AK8: variants seen among roughly 807,000 people sequenced by gnomAD.
AK8 encodes the protein adenylate kinase 8.
In AK8, 44 loss-of-function variants were observed where a neutral mutation model predicts 54.6. The ratio of observed to expected loss-of-function variants is 0.81; its 90% CI spans 0.63 to 1.04. The LOEUF (loss-of-function observed/expected upper bound fraction) is 1.04, where lower values mean the gene tolerates loss of function less well. Among genes scored for constraint, AK8 ranks in the 50% least tolerant of loss-of-function variants. The pLI is 0.00. For missense variants in AK8, 555 were observed against 613.6 expected (o/e 0.90, Z 1.01); for synonymous variants, 239 against 245.6 (o/e 0.97, Z 0.25).
At chr9:132,744,475 C>T (rs1837545258) in intron 11 of AK8, among the ~76,000 whole-genome samples, 1 of 151,554 alleles carries the variant, frequency 6.6e-6, no homozygotes, top group African/African-American at 2.4e-5. Flanking sequence ...AGGAGGTCAT[C>T]CTCGGTCAGA....
At chr9:132,775,457 C>G (rs950850511) in intron 11 of AK8, among the ~76,000 whole-genome samples, 7 of 152,218 alleles carry the variant, frequency 4.6e-5, no homozygotes, top group African/African-American at 1.7e-4. Flanking sequence ...CGTGCACCAC[C>G]ATGCCCGGCT....
At chr9:132,836,823 C>T (rs1842343542) in intron 5 of AK8, among the ~76,000 whole-genome samples, 1 of 152,244 alleles carries the variant, frequency 6.6e-6, no homozygotes, top group Non-Finnish European at 1.5e-5. Context: ...TCTGGAAGCC[C>T]ATGTGACTGT....
chr9:132,784,539 G>A (rs1027693365), intron 11 of AK8, among the ~76,000 whole-genome samples: 1 of 151,462 alleles, frequency 6.6e-6, no homozygotes, highest in African/African-American at 2.4e-5. Context: ...AAGGAAGGAG[G>A]GAAGGAAGGA....
rs1418965695 is a variant in AK8, at chr9:132,837,179, C to T, written c.403-8453G>A. On this transcript the variant is annotated intron_variant, in intron 5 of 12. Coordinates refer to ENST00000298545, the MANE Select transcript of AK8 (RefSeq NM_152572.3). This position sits in a 1 kb window ranked among gnomAD's most constrained non-coding sequence, Gnocchi z 4.3. Reference sequence around the variant, plus strand: ...ACTAAATATACAAAAATTATCTGGGCGTGGTGGCGGGCGCCTGTAATCCCA... The same window carrying T: ...ACTAAATATACAAAAATTATCTGGGTGTGGTGGCGGGCGCCTGTAATCCCA... Among the ~76,000 whole-genome samples, 4 of 152,028 alleles carry T rather than the reference C, an allele frequency of 2.6e-5. No individual in the cohort carries two copies. The highest frequency in any genetic ancestry group is 4.1e-4 in the South Asian group (2 of 4,826).
intron 9 of AK8, among the ~76,000 whole-genome samples, chr9:132,821,245 C>A (rs1312542960): frequency 6.6e-6 from 1 of 151,816 alleles, no homozygotes; most frequent in Non-Finnish European, 1.5e-5. Flanking sequence ...TTTTCAGACT[C>A]TCCCTCCACC....
chr9:132,787,888 T>C (rs1017431558), intron 11 of AK8, among the ~76,000 whole-genome samples: 1 of 152,114 alleles, frequency 6.6e-6, no homozygotes, highest in South Asian at 2.1e-4. Context: ...AAGGAAGATG[T>C]GTAACTCAGG....
chr9:132,805,583 A>G (rs1464515901), intron 10 of AK8, among the ~76,000 whole-genome samples: 1 of 152,176 alleles, frequency 6.6e-6, no homozygotes, highest in African/African-American at 2.4e-5. Flanking sequence ...CATCATTTTC[A>G]TACCGGAGAA....
At chr9:132,759,478 T>A (rs557198301) in intron 11 of AK8, among the ~76,000 whole-genome samples, 34 of 152,240 alleles carry the variant, frequency 2.2e-4, no homozygotes, top group Non-Finnish European at 4.4e-4. Context: ...TTTTGTTGTT[T>A]ACGCTCTTTG....
chr9:132,856,130 T>C (rs1344957962), intron 4 of AK8, among the ~76,000 whole-genome samples: 1 of 152,234 alleles, frequency 6.6e-6, no homozygotes, highest in African/African-American at 2.4e-5. Flanking sequence ...TTCCTTGTAG[T>C]GCACAACAGG....
In AK8 at chr9:132,855,792, C is replaced by G. The variant is rs117583444; in HGVS notation, c.334-867G>C. Among the ~76,000 whole-genome samples, 1,292 of 152,334 alleles carry G rather than the reference C, an allele frequency of 8.5e-3. 10 individuals carry two copies. The highest frequency in any genetic ancestry group is 0.015 in the Admixed American group (233 of 15,304). ...GCTTTTTGTAACAACTCTGTGCCAT[C>G]TACACTCCACTTACAGTAACACGGG... On this transcript the variant is annotated intron_variant, in intron 4 of 12. Transcript: ENST00000298545.
At chr9:132,773,731 T>C (rs1247821355) in intron 11 of AK8, among the ~76,000 whole-genome samples, 1 of 152,190 alleles carries the variant, frequency 6.6e-6, no homozygotes, top group Non-Finnish European at 1.5e-5. Context: ...CTTCAGAACC[T>C]CTTTCTTAAC....
At chr9:132,841,606 G>A (rs557425784) in intron 5 of AK8, among the ~76,000 whole-genome samples, 5 of 152,286 alleles carry the variant, frequency 3.3e-5, no homozygotes, top group African/African-American at 7.2e-5. Context: ...GAGCCTCTGC[G>A]TGGTGGCCTG....
intron 11 of AK8, among the ~76,000 whole-genome samples, chr9:132,767,571 G>T (rs1838777257): frequency 6.6e-6 from 1 of 152,134 alleles, no homozygotes; most frequent in Admixed American, 6.5e-5. Context: ...ACTAAAAATA[G>T]ATCTGTCATG....
chr9:132,848,906 C>CTTT (rs577735065), intron 5 of AK8, among the ~76,000 whole-genome samples: 106 of 118,548 alleles, frequency 8.9e-4, no homozygotes, highest in African/African-American at 2.9e-3. Flanking sequence ...CTCCTGTTTG[C>CTTT]TTTTTTTTTT....
chr9:132,865,238 C>CTT, intron 3 of AK8, among the ~76,000 whole-genome samples: 1 of 152,190 alleles, frequency 6.6e-6, no homozygotes, highest in East Asian at 1.9e-4. Context: ...TATAGACTGA[C>CTT]AGAAGGGTGA....
chr9:132,755,706 C>T (rs941896838), intron 11 of AK8, among the ~76,000 whole-genome samples: 11 of 152,096 alleles, frequency 7.2e-5, no homozygotes, highest in Admixed American at 1.3e-4. Context: ...AAGAGAACAC[C>T]AGAAGACCCT....
At chr9:132,792,425 C>G (rs533049162) in intron 11 of AK8, among the ~76,000 whole-genome samples, 11 of 152,322 alleles carry the variant, frequency 7.2e-5, no homozygotes, top group Middle Eastern at 3.4e-3. Flanking sequence ...GATGAGGGTC[C>G]ATCAAGGAGG....
At chr9:132,844,149 C>T (rs1842646114) in intron 5 of AK8, among the ~76,000 whole-genome samples, 1 of 152,042 alleles carries the variant, frequency 6.6e-6, no homozygotes, top group Non-Finnish European at 1.5e-5. Flanking sequence ...GGCACATTCT[C>T]TTGATTGTCC....
intron 4 of AK8, 134 bp from the exon 5 acceptor site, chr9:132,855,059 C>T: frequency 1.2e-6 from 1 of 802,942 alleles, no homozygotes; most frequent in Non-Finnish European, 2.1e-6. Context: ...CGCCCTTCCT[C>T]CACCCGCTGC....
Sources: allele counts gnomAD v4.1 joint callset (sites outside exome capture counted in the v4.1 genomes callset), GRCh38; gene constraint gnomAD v4.1.1; non-coding constraint Gnocchi (gnomAD v3.1); transcripts MANE v1.5; gene names NCBI Gene and HGNC (gene_info 2026-07-23, HGNC 2026-07-21).